CLVS1: variants seen among roughly 807,000 people sequenced by gnomAD.
The protein encoded by CLVS1 is clavesin 1.
Under a neutral mutation model 33.1 loss-of-function variants are expected in CLVS1, and 10 were observed. The ratio of observed to expected loss-of-function variants is 0.30; its 90% confidence interval spans 0.19 to 0.51. The LOEUF (loss-of-function observed/expected upper bound fraction) is 0.51. Among genes scored for constraint, CLVS1 ranks in the 20% least tolerant of loss-of-function variants. The pLI, the probability that CLVS1 is intolerant of heterozygous loss-of-function variation, is 0.97. For synonymous variants in CLVS1, 163 were observed against 166.1 expected (o/e 0.98, Z 0.14); for missense variants, 343 against 433.4 (o/e 0.79, Z 1.85).
chr8:61,152,014 A>T (rs1037520462), intron 2 of CLVS1, among the ~76,000 whole-genome samples: 1 of 150,996 alleles, frequency 6.6e-6, no homozygotes, highest in Non-Finnish European at 1.5e-5. Flanking sequence ...CCCCGCCCCC[A>T]GCTTTCTTTT....
chr8:61,079,643 A>T (rs2567920), intron 1 of CLVS1, among the ~76,000 whole-genome samples: 1 of 152,332 alleles, frequency 6.6e-6, no homozygotes, highest in African/African-American at 2.4e-5. Context: ...GAGGGACCAG[A>T]CTGTGATGCT....
intron 2 of CLVS1, among the ~76,000 whole-genome samples, chr8:61,303,689 T>C (rs988495974): frequency 6.6e-6 from 1 of 152,188 alleles, no homozygotes; most frequent in African/African-American, 2.4e-5. Context: ...TGTCATGTTG[T>C]TTACTGGTTA....
At chr8:61,063,639 G>A (rs1221019821) in intron 1 of CLVS1, among the ~76,000 whole-genome samples, 1 of 152,098 alleles carries the variant, frequency 6.6e-6, no homozygotes, top group Non-Finnish European at 1.5e-5. Flanking sequence ...AGGGTTTGAA[G>A]GAGAAAGGCA....
At chr8:61,457,447 C>G (rs1011760749) in intron 4 of CLVS1, among the ~76,000 whole-genome samples, 2 of 152,076 alleles carry the variant, frequency 1.3e-5, no homozygotes, top group African/African-American at 4.8e-5. Context: ...TGCTAATTAT[C>G]TATTCATGTC....
At chr8:61,232,037 T>TTTTTTTG (rs1563455130) in intron 2 of CLVS1, among the ~76,000 whole-genome samples, 1 of 116,060 alleles carries the variant, frequency 8.6e-6, no homozygotes, top group African/African-American at 5.2e-5. Flanking sequence ...TTTTTTTTTT[T>TTTTTTTG]TTTTTTTTTT....
chr8:61,183,152 C>CGGGGGG (rs199550719), intron 2 of CLVS1, among the ~76,000 whole-genome samples: 1 of 72,890 alleles, frequency 1.4e-5, no homozygotes, highest in African/African-American at 3.0e-5. Flanking sequence ...GTGGGCAGGG[C>CGGGGGG]GGAGGGGGGC....
intron 2 of CLVS1, among the ~76,000 whole-genome samples, chr8:61,226,329 G>A (rs1049078302): frequency 6.6e-6 from 1 of 152,208 alleles, no homozygotes; most frequent in African/African-American, 2.4e-5. Context: ...TTAAAGGAAA[G>A]TCAGCCCACA....
chr8:61,354,824 A>T (rs34336239), intron 2 of CLVS1, among the ~76,000 whole-genome samples: 134 of 152,288 alleles, frequency 8.8e-4, no homozygotes, highest in Non-Finnish European at 1.3e-3. Flanking sequence ...AGGGAATGGG[A>T]GGAGAGAGTT....
At chr8:61,243,487 G>C (rs540528230) in intron 2 of CLVS1, among the ~76,000 whole-genome samples, 1 of 152,228 alleles carries the variant, frequency 6.6e-6, no homozygotes, top group Admixed American at 6.5e-5. Flanking sequence ...AAATATGCAG[G>C]TTTTTCTATT....
In CLVS1 at chr8:61,295,827, C is replaced by T. The variant is rs557532953; in HGVS notation, c.-151-3850C>T. Among the ~76,000 whole-genome samples the T allele has an allele frequency of 2.5e-4, 38 of 152,158 alleles. 1 individual carries two copies. The highest frequency in any genetic ancestry group is 9.2e-4 in the African/African-American group (38 of 41,516). On this transcript the variant is annotated intron_variant, in intron 1 of 5. Coordinates refer to ENST00000325897, the MANE Select transcript of CLVS1 (RefSeq NM_173519.3). ...TGAAAAATGAGGACAATAATATACT[C>T]ATTTCATACAGTTGTTCTGAGGATT...
chr8:61,375,122 C>T (rs1813591661), intron 2 of CLVS1, among the ~76,000 whole-genome samples: 1 of 152,022 alleles, frequency 6.6e-6, no homozygotes, highest in Non-Finnish European at 1.5e-5. Flanking sequence ...TGCTAATCTA[C>T]CACCCCTCCC....
intron 1 of CLVS1, among the ~76,000 whole-genome samples, chr8:61,289,931 A>C (rs1809926232): frequency 6.6e-6 from 1 of 152,204 alleles, no homozygotes; most frequent in Admixed American, 6.5e-5. Flanking sequence ...AACTAGTAAA[A>C]TATGTGGTGA....
At chr8:61,383,373 A>C (rs971179906) in intron 3 of CLVS1, among the ~76,000 whole-genome samples, 1 of 152,254 alleles carries the variant, frequency 6.6e-6, no homozygotes, top group Admixed American at 6.5e-5. Context: ...TCTCTTCAGC[A>C]GTAACATTTA....
chr8:61,108,735 A>G (rs116723208), intron 1 of CLVS1, among the ~76,000 whole-genome samples: 1 of 152,284 alleles, frequency 6.6e-6, no homozygotes, highest in African/African-American at 2.4e-5. Flanking sequence ...ACTCATATTT[A>G]TATCCCCCTC....
At chr8:61,154,072 A>G (rs985030210) in intron 2 of CLVS1, among the ~76,000 whole-genome samples, 39 of 152,174 alleles carry the variant, frequency 2.6e-4, no homozygotes, top group African/African-American at 9.2e-4. Context: ...GAGCGGCAAA[A>G]GGAAACCCAA....
chr8:60,994,398 A>C, the CLVS1 span, among the ~76,000 whole-genome samples: 1 of 152,370 alleles, frequency 6.6e-6, no homozygotes, highest in Non-Finnish European at 1.5e-5. Context: ...GTTGAACCAG[A>C]AACTGTATGT....
At chr8:61,445,616 A>G (rs1026585677) in intron 3 of CLVS1, among the ~76,000 whole-genome samples, 1 of 152,076 alleles carries the variant, frequency 6.6e-6, no homozygotes, top group African/African-American at 2.4e-5. Context: ...CCTTTTTTTT[A>G]TAATTTGTTT....
chr8:61,242,847 G>A (rs1360050056), intron 2 of CLVS1, among the ~76,000 whole-genome samples: 1 of 151,976 alleles, frequency 6.6e-6, no homozygotes, highest in Non-Finnish European at 1.5e-5. Flanking sequence ...CTATTTCTTT[G>A]CTGACCTTTC....
intron 1 of CLVS1, among the ~76,000 whole-genome samples, chr8:61,057,784 G>A (rs930130491): frequency 6.6e-6 from 1 of 152,186 alleles, no homozygotes; most frequent in African/African-American, 2.4e-5. Flanking sequence ...AAAATTCTTA[G>A]AATAATCCTG....
Sources: allele counts gnomAD v4.1 joint callset (sites outside exome capture counted in the v4.1 genomes callset), GRCh38; gene constraint gnomAD v4.1.1; transcripts MANE v1.5; gene names NCBI Gene and HGNC (gene_info 2026-07-23, HGNC 2026-07-21).